SEMA6D: variants seen among roughly 807,000 people sequenced by gnomAD.
SEMA6D encodes semaphorin-6D.
In SEMA6D, 35 loss-of-function variants were observed where a neutral mutation model predicts 106.6. The ratio of observed to expected loss-of-function variants is 0.33; its 90% CI spans 0.25 to 0.44. The LOEUF is 0.44. Ranked by LOEUF, SEMA6D falls within the 20% of genes least tolerant of loss-of-function variation. The probability of loss-of-function intolerance (pLI) is 1.00; values close to 1 mark genes in which losing one functional copy is unlikely to be tolerated. For synonymous variants in SEMA6D, 499 were observed against 487.7 expected, an observed-to-expected ratio of 1.02 and a Z score of -0.31; for missense variants, 1,185 against 1,345.9, an observed-to-expected ratio of 0.88 and a Z score of 1.87.
At chr15:47,361,389 A>G (rs1473919042) in intron 1 of SEMA6D, among the ~76,000 whole-genome samples, 1 of 152,226 alleles carries the variant, frequency 6.6e-6, no homozygotes, top group Non-Finnish European at 1.5e-5. Flanking sequence ...AAGGGGGAAA[A>G]TAGCATCAAA....
chr15:47,453,041 C>T (rs758802263), intron 2 of SEMA6D, among the ~76,000 whole-genome samples: 3 of 151,852 alleles, frequency 2.0e-5, no homozygotes, highest in Admixed American at 1.3e-4. Context: ...AAAGCTCATA[C>T]CACAGCAGAT....
intron 3 of SEMA6D, among the ~76,000 whole-genome samples, chr15:47,520,709 G>A (rs2044545720): frequency 6.6e-6 from 1 of 152,216 alleles, no homozygotes; most frequent in South Asian, 2.1e-4. Context: ...GTGTGAGACA[G>A]AAGAGTGGAG....
At position 47,766,128 on chromosome 15, in the gene SEMA6D, C is replaced by T; in HGVS notation, c.1592C>T (p.Pro531Leu). 2 of 1,613,618 alleles carry T rather than the reference C, an allele frequency of 1.2e-6. No homozygotes were observed. Among genetic ancestry groups the T allele is most frequent in the Non-Finnish European group, 1.7e-6 (2 of 1,179,724 alleles). Residue 531 changes from proline to leucine, a missense_variant, in exon 15 of 19, where the codon CCG becomes CTG. Pro to Leu is a moderately conservative substitution (Grantham distance 98, BLOSUM62 -3). Around this residue, in one of 3 missense-constraint regions of SEMA6D, gnomAD observed 750 missense variants for 783.5 expected, o/e 0.96. Transcript: ENST00000536845. ...AGGTCTTGTATTGCATCTCGTGACC[C>T]GTATTGTGGCTGGTTAAGCCAGGGA... The part of the protein sequence containing the change: ...CKKSCIASRD[P>L]YCGWLSQGSC...
intron 1 of SEMA6D, among the ~76,000 whole-genome samples, chr15:47,310,936 T>G (rs575869006): frequency 6.6e-6 from 1 of 152,326 alleles, no homozygotes; most frequent in Admixed American, 6.5e-5. Context: ...TTGATTAGGA[T>G]CAATTATATA....
chr15:47,275,741 G>A (rs1183163069), intron 1 of SEMA6D, among the ~76,000 whole-genome samples: 2 of 151,934 alleles, frequency 1.3e-5, no homozygotes, highest in Non-Finnish European at 2.9e-5. Flanking sequence ...CCCTACATTG[G>A]CCTCTAAGTA....
At chr15:47,387,610 A>G (rs2132660) in intron 1 of SEMA6D, among the ~76,000 whole-genome samples, 33,436 of 152,234 alleles carry the variant, frequency 0.22, 3,954 homozygotes, top group Middle Eastern at 0.33. Context: ...TTATATGACT[A>G]ACTGATTAGT....
intron 1 of SEMA6D, among the ~76,000 whole-genome samples, chr15:47,249,154 G>A (rs2033367864): frequency 6.6e-6 from 1 of 152,178 alleles, no homozygotes; most frequent in South Asian, 2.1e-4. Context: ...CCTGAGCACA[G>A]GAGGCAGAGA....
At chr15:47,558,265 T>C (rs148975171) in intron 3 of SEMA6D, among the ~76,000 whole-genome samples, 1,543 of 152,232 alleles carry the variant, frequency 0.01, 10 homozygotes, top group Admixed American at 0.021. Flanking sequence ...TATTCATTAA[T>C]TCATTTATTT....
intron 4 of SEMA6D, among the ~76,000 whole-genome samples, chr15:47,618,341 C>T (rs1023690717): frequency 1.2e-4 from 18 of 152,162 alleles, no homozygotes; most frequent in South Asian, 2.1e-4. Context: ...ACCCTCTGAC[C>T]GAGGCTCTAA....
intron 1 of SEMA6D, among the ~76,000 whole-genome samples, chr15:47,358,552 C>T (rs888545732): frequency 1.2e-4 from 19 of 152,206 alleles, no homozygotes; most frequent in Non-Finnish European, 2.9e-5. Context: ...ATGATTCCTA[C>T]TCCTTTACCC....
chr15:47,285,716 C>T (rs537169916), intron 1 of SEMA6D, among the ~76,000 whole-genome samples: 1 of 152,288 alleles, frequency 6.6e-6, no homozygotes, highest in African/African-American at 2.4e-5. Flanking sequence ...TGCCAGGTGG[C>T]CACTCCAGAA....
chr15:47,735,727 T>C (rs769159346), intron 1 of SEMA6D, among the ~76,000 whole-genome samples: 5 of 152,178 alleles, frequency 3.3e-5, no homozygotes, highest in Non-Finnish European at 5.9e-5. Context: ...CATCATTAAG[T>C]TGGTCTCTCC....
Position 47,405,335 on chromosome 15 carries a change from A to G in SEMA6D, c.-238-7058A>G, listed in dbSNP as rs141093716. Reference sequence around the variant, plus strand: ...ATTTGGTTGGAGACAGAGTGGTTCCAGGAGAGGCAGATTCCAGCCTGTTAC... The same window carrying G: ...ATTTGGTTGGAGACAGAGTGGTTCCGGGAGAGGCAGATTCCAGCCTGTTAC... On this transcript the variant is annotated intron_variant, in intron 1 of 19. Coordinates refer to the SEMA6D transcript ENST00000558014. Among the ~76,000 whole-genome samples, 5 of 152,272 alleles carry G rather than the reference A, an allele frequency of 3.3e-5. No individual in the cohort carries two copies. In the East Asian group the frequency reaches 9.7e-4, roughly 29 times the overall value.
At chr15:47,676,740 C>T (rs142880491) in intron 4 of SEMA6D, among the ~76,000 whole-genome samples, 1 of 152,246 alleles carries the variant, frequency 6.6e-6, no homozygotes, top group African/African-American at 2.4e-5. Context: ...AACAAACCAC[C>T]CCAACACATA....
intron 1 of SEMA6D, among the ~76,000 whole-genome samples, chr15:47,257,315 C>A (rs1207037624): frequency 6.6e-6 from 1 of 152,156 alleles, no homozygotes; most frequent in Non-Finnish European, 1.5e-5. Flanking sequence ...CCTTGGCCCC[C>A]CAAAGTTCTG....
chr15:47,362,308 A>T (rs1457984724), intron 1 of SEMA6D, among the ~76,000 whole-genome samples: 8 of 152,170 alleles, frequency 5.3e-5, no homozygotes, highest in African/African-American at 1.9e-4. Context: ...GGAGTGGATA[A>T]ATAGTATGCT....
At chr15:47,757,596 T>C (rs904070259) in intron 1 of SEMA6D, among the ~76,000 whole-genome samples, 11 of 152,160 alleles carry the variant, frequency 7.2e-5, no homozygotes, top group African/African-American at 2.7e-4. Flanking sequence ...TGAGGTAGGA[T>C]AGTAGGATTG....
intron 1 of SEMA6D, among the ~76,000 whole-genome samples, chr15:47,236,685 A>G (rs1396630721): frequency 6.6e-6 from 1 of 152,154 alleles, no homozygotes; most frequent in African/African-American, 2.4e-5. Context: ...GAGTGCATCC[A>G]CTATAGATGT....
intron 2 of SEMA6D, among the ~76,000 whole-genome samples, chr15:47,454,599 G>GCACACGCACACACA (rs1555442705): frequency 7.4e-5 from 11 of 148,990 alleles, no homozygotes; most frequent in African/African-American, 2.2e-4. Context: ...TTGCACATGT[G>GCACACGCACACACA]CACACACACA....
Sources: gnomAD v4.1 joint callset for allele counts (sites outside exome capture counted in the v4.1 genomes callset) on GRCh38, gnomAD v4.1.1 for gene constraint, gnomAD v4.1.1 regional missense constraint, MANE v1.5 for transcripts, NCBI Gene and HGNC (gene_info 2026-07-23, HGNC 2026-07-21) for gene names.